The following CSNK1D variants were observed in gnomAD, a reference collection of about 807,000 sequenced individuals.
CSNK1D encodes casein kinase I isoform delta.
A neutral mutation model predicts 46.6 loss-of-function variants in CSNK1D; 16 were observed. That is an observed-to-expected ratio of 0.34 (90% CI 0.23 to 0.52). The LOEUF is 0.52. Ranked by LOEUF, CSNK1D falls within the 20% of genes least tolerant of loss-of-function variation. The pLI is 0.95. For synonymous variants in CSNK1D, 276 were observed against 228.2 expected (o/e 1.21, Z -1.89); for missense variants, 398 against 578.4 (o/e 0.69, Z 3.20).
intron 2 of CSNK1D, among the ~76,000 whole-genome samples, chr17:82,256,822 C>T (rs960841132): frequency 6.6e-6 from 1 of 152,132 alleles, no homozygotes; most frequent in Non-Finnish European, 1.5e-5. Flanking sequence ...CGCAACTATA[C>T]ACATGGCTCT....
At chr17:82,263,571 G>T (rs767111887) in intron 2 of CSNK1D, among the ~76,000 whole-genome samples, 167 of 152,372 alleles carry the variant, frequency 1.1e-3, no homozygotes, top group Non-Finnish European at 1.2e-3. Context: ...GCCGAGTGGA[G>T]AAGTCCTGTC....
At chr17:82,269,432 T>C (rs1249763005) in intron 1 of CSNK1D, among the ~76,000 whole-genome samples, 5 of 152,164 alleles carry the variant, frequency 3.3e-5, no homozygotes, top group Admixed American at 6.5e-5. Flanking sequence ...CTCTCATGGC[T>C]GGTCAGCATC....
intron 2 of CSNK1D, among the ~76,000 whole-genome samples, chr17:82,258,907 T>C (rs1463405190): frequency 2.0e-5 from 3 of 152,258 alleles, no homozygotes; most frequent in Admixed American, 6.5e-5. Flanking sequence ...GACAGCTTTA[T>C]AGTAAGTGCT....
chr17:82,246,103 C>T lies in CSNK1D; in HGVS notation c.1198-1272G>A. On this transcript the variant is annotated intron_variant, in intron 8 of 8. Coordinates refer to ENST00000314028, the MANE Select transcript of CSNK1D (RefSeq NM_001893.6). ...CTGGCCCCCTGACTACCTGTGTCGG[C>T]TCCATGTCCAGATGGGCATCCTTGC... The T allele has an allele frequency of 1.9e-6, 3 of 1,564,296 alleles. 1 individual carries two copies. In the South Asian group the frequency reaches 3.5e-5, roughly 18 times the overall value.
At chr17:82,240,226 G>A, downstream of CSNK1D, 1 of 434,950 alleles carries the variant, frequency 2.3e-6, no homozygotes, top group Non-Finnish European at 3.9e-6. Flanking sequence ...GGCAGTGCCA[G>A]CAGTTGCAGG....
At position 82,251,557 on chromosome 17, in the gene CSNK1D, A is replaced by C. The variant is rs2051009172; in HGVS notation, c.737-30T>G. 5 of 1,612,652 alleles carry C rather than the reference A, an allele frequency of 3.1e-6. No homozygotes were observed. The highest frequency in any genetic ancestry group is 1.7e-5 in the Admixed American group (1 of 59,836). On this transcript the variant is annotated intron_variant, in intron 5 of 8. Transcript: ENST00000314028. The surrounding 1 kb of genome is among the most constrained non-coding windows in gnomAD (Gnocchi z 4.5). ...AAAACAAGAAACTCAAAGCTAACTC[A>C]TGAAACCCAACTGCGACTCAAGGTG...
At position 82,248,564 on chromosome 17, in the gene CSNK1D, T is replaced by C. The variant is rs1399067485; in HGVS notation, c.1197+311A>G. On this transcript the variant is annotated intron_variant, in intron 8 of 8. Transcript: ENST00000314028. The surrounding 1 kb of genome is among the most constrained non-coding windows in gnomAD (Gnocchi z 4.1). ...AAGCAGGCGAGCGGTGTCAGCTGCC[T>C]GGGGACGGCTGCGGGCAGCGGGGCA... The C allele has an allele frequency of 2.6e-5, 31 of 1,215,432 alleles. No individual in the cohort carries two copies. The highest frequency in any genetic ancestry group is 3.2e-5 in the Non-Finnish European group (31 of 965,712). 75.3% of individuals were successfully genotyped at this position (1,215,432 alleles called of 1,614,324 possible).
intron 2 of CSNK1D, among the ~76,000 whole-genome samples, chr17:82,257,446 A>T (rs1304514818): frequency 1.3e-5 from 2 of 152,054 alleles, no homozygotes; most frequent in Non-Finnish European, 2.9e-5. Context: ...GTTTTTTTTT[A>T]AAGTGTTAAA....
At chr17:82,246,876 C>T in intron 8 of CSNK1D, 1 of 985,978 alleles carries the variant, frequency 1.0e-6, no homozygotes, top group African/African-American at 1.7e-5. Flanking sequence ...GTCTCCAGCT[C>T]ACCCGAGCAA....
rs2050781955 is a variant in CSNK1D at position 82,243,713 on chromosome 17, C to T, written c.*1068G>A. On this transcript the variant is annotated 3_prime_UTR_variant, in exon 9 of 9. Transcript: ENST00000314028. ...GCACGTGGCAAGGACAGCCCCGCTC[C>T]TGGTTTTAAGCACAGGCATTCATAC... is the stretch of plus-strand genomic sequence containing the variant. 1 of 985,352 alleles carries T rather than the reference C, an allele frequency of 1.0e-6. No individual in the cohort carries two copies. Among genetic ancestry groups the T allele is most frequent in the Non-Finnish European group, 1.2e-6 (1 of 829,960 alleles). 61.0% of individuals were successfully genotyped at this position (985,352 alleles called of 1,614,324 possible).
intron 8 of CSNK1D, chr17:82,246,793 A>C: frequency 1.0e-6 from 1 of 988,222 alleles, no homozygotes; most frequent in East Asian, 1.1e-4. Flanking sequence ...TGAGAGGAGC[A>C]GAAAGAACAG....
At position 82,273,384 on chromosome 17, in the gene CSNK1D, C is replaced by A; in HGVS notation, c.-3G>T. 1.2e-6 allele frequency: 2 copies of A among 1,610,538 alleles called. No homozygotes were observed. The highest frequency in any genetic ancestry group is 1.7e-6 in the Non-Finnish European group (2 of 1,179,238). On this transcript the variant is annotated 5_prime_UTR_variant, in exon 1 of 9. Coordinates refer to ENST00000314028, the MANE Select transcript of CSNK1D (RefSeq NM_001893.6). This position sits in a 1 kb window ranked among gnomAD's most constrained non-coding sequence, Gnocchi z 5.1. ...CTGTTCCCGACTCTCAGCTCCATGG[C>A]GGCGGCGGCCCGATTCGCTCCTGCC...
Position 82,252,336 on chromosome 17 carries a change from CTCT to C in CSNK1D, c.736+95_736+97del. On this transcript the variant is annotated intron_variant, in intron 5 of 8. Transcript: ENST00000314028. The surrounding 1 kb of genome is among the most constrained non-coding windows in gnomAD (Gnocchi z 4.6). ...CACCACCCCTTTGGAAGGTGAGCAA[CTCT>C]TCTGACAAAACCCAGACTGAGCCGT... The C allele has an allele frequency of 7.0e-7, 1 of 1,426,308 alleles. No individual in the cohort carries two copies. Among genetic ancestry groups the C allele is most frequent in the Non-Finnish European group, 9.9e-7 (1 of 1,011,398 alleles). The allele number at this position is 1,426,308 out of a possible 1,614,324, so 88.4% of individuals were successfully genotyped here. A position where few individuals can be genotyped will look rare whatever the true frequency, so the allele number is the denominator to read the frequency against.
chr17:82,249,856 C>G lies in CSNK1D; in HGVS notation c.886-254G>C. The G allele has an allele frequency of 7.0e-7, 1 of 1,419,916 alleles. No homozygotes were observed. 88.0% of individuals were successfully genotyped at this position (1,419,916 alleles called of 1,614,324 possible). A position where few individuals can be genotyped will look rare whatever the true frequency, so the allele number is the denominator to read the frequency against. ...ACTCGCCATGGCATCTCCCTGTGGG[C>G]TCAGAACTTCCTTAAACTTCCAAAT... On this transcript the variant is annotated intron_variant, in intron 6 of 8. Coordinates refer to ENST00000314028, the MANE Select transcript of CSNK1D (RefSeq NM_001893.6). This position sits in a 1 kb window ranked among gnomAD's most constrained non-coding sequence, Gnocchi z 6.7.
chr17:82,270,457 A>G (rs2051590898), intron 1 of CSNK1D, among the ~76,000 whole-genome samples: 1 of 152,362 alleles, frequency 6.6e-6, no homozygotes. Flanking sequence ...AAGTGACAAC[A>G]GTAGGAATGG....
intron 3 of CSNK1D, chr17:82,254,224 G>C: frequency 7.2e-6 from 2 of 277,564 alleles, no homozygotes; most frequent in African/African-American, 3.0e-5. Flanking sequence ...TGAGCCGCCG[G>C]AGCCTCGAGA....
Position 82,252,243 on chromosome 17 carries a change from CAAGT to C in CSNK1D, c.736+187_736+190del, listed in dbSNP as rs2051031412. ...ACTCCCCACGCTGATGGGCACTTGG[CAAGT>C]AAGTCAAGATGAACAGGAGGGCAGG... On this transcript the variant is annotated intron_variant, in intron 5 of 8. Coordinates refer to ENST00000314028, the MANE Select transcript of CSNK1D (RefSeq NM_001893.6). This position sits in a 1 kb window ranked among gnomAD's most constrained non-coding sequence, Gnocchi z 4.6. Among the ~76,000 whole-genome samples the C allele has an allele frequency of 1.3e-5, 2 of 152,162 alleles. No homozygotes were observed. The highest frequency in any genetic ancestry group is 4.1e-4 in the South Asian group (2 of 4,826).
intron 2 of CSNK1D, among the ~76,000 whole-genome samples, chr17:82,263,320 TGG>T (rs2051387194): frequency 6.6e-6 from 1 of 152,202 alleles, no homozygotes; most frequent in South Asian, 2.1e-4. Flanking sequence ...GAAGCCCAAA[TGG>T]GAGAAAAACC....
intron 2 of CSNK1D, among the ~76,000 whole-genome samples, chr17:82,260,047 G>A (rs1315378750): frequency 6.7e-6 from 1 of 150,282 alleles, no homozygotes; most frequent in Non-Finnish European, 1.5e-5. Flanking sequence ...TGATGTGACT[G>A]ATGGTGTACT....
Sources: allele counts gnomAD v4.1 joint callset (sites outside exome capture counted in the v4.1 genomes callset), GRCh38; gene constraint gnomAD v4.1.1; non-coding constraint Gnocchi (gnomAD v3.1); transcripts MANE v1.5; gene names NCBI Gene and HGNC (gene_info 2026-07-23, HGNC 2026-07-21).